The following CLVS1 variants were observed in gnomAD, a reference collection of about 807,000 sequenced individuals.
CLVS1 encodes clavesin 1.
In CLVS1, 10 loss-of-function variants were observed where a neutral mutation model predicts 33.1. The ratio of observed to expected loss-of-function variants is 0.30; its 90% CI spans 0.19 to 0.51. CLVS1 has a LOEUF of 0.51. Ranked by LOEUF, CLVS1 falls within the 20% of genes least tolerant of loss-of-function variation. The probability of loss-of-function intolerance (pLI) is 0.97; values close to 1 mark genes in which losing one functional copy is unlikely to be tolerated. For missense variants in CLVS1, 343 were observed against 433.4 expected (o/e 0.79, Z 1.85); for synonymous variants, 163 against 166.1 (o/e 0.98, Z 0.14).
chr8:61,323,676 G>A (rs1173343884), intron 2 of CLVS1, among the ~76,000 whole-genome samples: 1 of 151,608 alleles, frequency 6.6e-6, no homozygotes, highest in Non-Finnish European at 1.5e-5. Flanking sequence ...TTTATTTTAA[G>A]TTCAGGGTTA....
the CLVS1 span, among the ~76,000 whole-genome samples, chr8:60,982,754 T>C: frequency 3.3e-5 from 5 of 152,178 alleles, no homozygotes; most frequent in Admixed American, 6.5e-5. Context: ...GGACAGATAT[T>C]ACCCAATAAC....
chr8:61,202,252 G>T, intron 2 of CLVS1: 1 of 532,434 alleles, frequency 1.9e-6, no homozygotes, highest in South Asian at 2.1e-5. Flanking sequence ...ATTTAAGAAT[G>T]TCCCCTGGTG....
At chr8:61,390,092 T>C (rs1814243923) in intron 3 of CLVS1, among the ~76,000 whole-genome samples, 1 of 152,190 alleles carries the variant, frequency 6.6e-6, no homozygotes, top group Non-Finnish European at 1.5e-5. Context: ...GTCCTATTCT[T>C]GGGAGTTCCT....
chr8:61,348,087 GA>G (rs929819567), intron 2 of CLVS1, among the ~76,000 whole-genome samples: 1 of 151,850 alleles, frequency 6.6e-6, no homozygotes, highest in Non-Finnish European at 1.5e-5. Flanking sequence ...CTGAAAATTT[GA>G]ATCCTTTAAC....
intron 5 of CLVS1, among the ~76,000 whole-genome samples, chr8:61,472,318 C>T (rs1817761353): frequency 6.6e-6 from 1 of 151,454 alleles, no homozygotes; most frequent in Non-Finnish European, 1.5e-5. Context: ...AATAGGTGCT[C>T]ATGACATAGT....
At chr8:61,256,607 T>A (rs1809088540) in intron 2 of CLVS1, among the ~76,000 whole-genome samples, 1 of 151,344 alleles carries the variant, frequency 6.6e-6, no homozygotes, top group Admixed American at 6.6e-5. Flanking sequence ...AACAAAAAAA[T>A]ATTATTTTAA....
chr8:61,076,068 C>A lies in CLVS1; in HGVS notation c.-243+18838C>A, dbSNP rs573243304. The stretch of plus-strand genomic sequence containing the variant: ...TCATGAAATGAAACAAGGTGTGTAA[C>A]CTGGCATGACTCAAAAGAAAGTTAC... On this transcript the variant is annotated intron_variant, in intron 1 of 2. Coordinates refer to the CLVS1 transcript ENST00000522621. 1.2e-4 allele frequency among the ~76,000 whole-genome samples: 18 copies of A among 152,230 alleles called. 1 individual carries two copies. Among genetic ancestry groups the A allele is most frequent in the African/African-American group, 4.3e-4 (18 of 41,520 alleles).
intron 2 of CLVS1, among the ~76,000 whole-genome samples, chr8:61,323,342 T>C (rs1386539619): frequency 6.6e-6 from 1 of 152,170 alleles, no homozygotes; most frequent in Non-Finnish European, 1.5e-5. Context: ...TCCATCCTGT[T>C]GACGAAAGCA....
At chr8:61,049,166 T>C in the CLVS1 span, among the ~76,000 whole-genome samples, 2 of 152,128 alleles carry the variant, frequency 1.3e-5, no homozygotes, top group African/African-American at 4.8e-5. Flanking sequence ...AGGGAAGAGA[T>C]GGGGTTACAG....
At chr8:60,980,615 G>C in the CLVS1 span, among the ~76,000 whole-genome samples, 1 of 152,076 alleles carries the variant, frequency 6.6e-6, no homozygotes. Flanking sequence ...GTGAAACCTC[G>C]CCTCCACTAA....
the CLVS1 span, among the ~76,000 whole-genome samples, chr8:60,992,389 T>C: frequency 0.24 from 36,599 of 152,120 alleles, 4,892 homozygotes; most frequent in African/African-American, 0.35. Context: ...TCATTTTGCC[T>C]GTGCATGATA....
At chr8:61,379,428 C>T (rs1813777993) in intron 3 of CLVS1, among the ~76,000 whole-genome samples, 1 of 146,618 alleles carries the variant, frequency 6.8e-6, no homozygotes, top group Non-Finnish European at 1.5e-5. Flanking sequence ...ATACCTCCTG[C>T]AGGGACAAGG....
At chr8:61,357,468 C>G (rs1235609531) in intron 2 of CLVS1, among the ~76,000 whole-genome samples, 13 of 110,204 alleles carry the variant, frequency 1.2e-4, no homozygotes, top group South Asian at 1.1e-3. Context: ...GTTTTTTTTT[C>G]CTTCTTTTTC....
the CLVS1 span, among the ~76,000 whole-genome samples, chr8:60,996,190 T>C: frequency 2.0e-5 from 3 of 152,218 alleles, no homozygotes; most frequent in Non-Finnish European, 2.9e-5. Flanking sequence ...TTGGCTGCAA[T>C]GCTATTGAAT....
the CLVS1 span, among the ~76,000 whole-genome samples, chr8:61,002,484 A>G: frequency 2.0e-5 from 3 of 151,930 alleles, no homozygotes; most frequent in Non-Finnish European, 4.4e-5. Context: ...GCCTGCCACC[A>G]TGCCCGGCTA....
chr8:61,412,103 T>A (rs1355870890), intron 3 of CLVS1, among the ~76,000 whole-genome samples: 1 of 152,130 alleles, frequency 6.6e-6, no homozygotes, highest in Non-Finnish European at 1.5e-5. Context: ...AGCAAATATT[T>A]CTTCAGCATT....
chr8:61,087,220 G>C (rs1755149175), intron 1 of CLVS1, among the ~76,000 whole-genome samples: 1 of 152,218 alleles, frequency 6.6e-6, no homozygotes, highest in Non-Finnish European at 1.5e-5. Context: ...AGGCCAGAGG[G>C]CTATGGTCTA....
intron 2 of CLVS1, among the ~76,000 whole-genome samples, chr8:61,187,357 C>G (rs1807363128): frequency 6.6e-6 from 1 of 152,098 alleles, no homozygotes; most frequent in Non-Finnish European, 1.5e-5. Context: ...GATTTTCACA[C>G]AGCTTACCAC....
chr8:61,179,304 T>C (rs753740570), intron 2 of CLVS1, among the ~76,000 whole-genome samples: 3 of 152,176 alleles, frequency 2.0e-5, no homozygotes, highest in African/African-American at 7.2e-5. Context: ...ATCCTAAATA[T>C]ATATGCATCC....
Sources: gnomAD v4.1 joint callset for allele counts (sites outside exome capture counted in the v4.1 genomes callset) on GRCh38, gnomAD v4.1.1 for gene constraint, MANE v1.5 for transcripts, NCBI Gene and HGNC (gene_info 2026-07-23, HGNC 2026-07-21) for gene names.